The following CALCRL variants were observed in gnomAD, a reference collection of about 807,000 sequenced individuals.
The protein encoded by CALCRL is calcitonin gene-related peptide type 1 receptor.
Under a neutral mutation model 60.4 loss-of-function variants are expected in CALCRL, and 27 were observed. The ratio of observed to expected loss-of-function variants is 0.45; its 90% CI spans 0.33 to 0.62. The LOEUF (loss-of-function observed/expected upper bound fraction) is 0.62. CALCRL is among the 20% of genes least tolerant of loss of function. CALCRL has a pLI of 0.03. For missense variants in CALCRL, 424 were observed against 540.7 expected (o/e 0.78, Z 2.14); for synonymous variants, 190 against 182.6 (o/e 1.04, Z -0.33).
intron 12 of CALCRL, among the ~76,000 whole-genome samples, chr2:187,356,516 G>T (rs570200073): frequency 6.6e-6 from 1 of 152,120 alleles, no homozygotes; most frequent in Admixed American, 6.6e-5. Flanking sequence ...CAAGATGCAT[G>T]AAAGACTTAA....
intron 4 of CALCRL, among the ~76,000 whole-genome samples, chr2:187,384,440 G>A (rs920686720): frequency 1.3e-5 from 2 of 152,132 alleles, no homozygotes; most frequent in African/African-American, 2.4e-5. Context: ...GAGTTCAAGA[G>A]GAAGAGTCAC....
At chr2:187,380,039 T>C (rs1687921373) in intron 7 of CALCRL, among the ~76,000 whole-genome samples, 1 of 152,198 alleles carries the variant, frequency 6.6e-6, no homozygotes, top group South Asian at 2.1e-4. Context: ...GCGAATAACC[T>C]AAGACCCAGT....
At chr2:187,393,701 A>C in intron 1 of CALCRL, among the ~76,000 whole-genome samples, 1 of 151,978 alleles carries the variant, frequency 6.6e-6, no homozygotes, top group African/African-American at 2.4e-5. Flanking sequence ...AGTTGAAGAA[A>C]CCTGATGTTT....
chr2:187,414,810 A>G (rs778404602), intron 1 of CALCRL, among the ~76,000 whole-genome samples: 10 of 152,178 alleles, frequency 6.6e-5, no homozygotes, highest in South Asian at 2.1e-4. Context: ...ACATTGGCAC[A>G]CACATCATCC....
intron 14 of CALCRL, among the ~76,000 whole-genome samples, chr2:187,349,945 G>T (rs1444648730): frequency 1.3e-5 from 2 of 151,650 alleles, no homozygotes; most frequent in African/African-American, 4.8e-5. Context: ...GTGGGGCATG[G>T]TGCTAAAAAC....
At chr2:187,435,651 T>TTG (rs1429177327) in intron 1 of CALCRL, among the ~76,000 whole-genome samples, 2 of 152,206 alleles carry the variant, frequency 1.3e-5, no homozygotes, top group Non-Finnish European at 2.9e-5. Context: ...TGAATCTATG[T>TTG]ATCAAAATAT....
chr2:187,371,264 A>G (rs893220099), intron 8 of CALCRL, among the ~76,000 whole-genome samples: 1 of 151,702 alleles, frequency 6.6e-6, no homozygotes, highest in African/African-American at 2.4e-5. Context: ...AGTTAAATAA[A>G]TAATATCTAA....
At chr2:187,351,991 C>A (rs759778227) in intron 13 of CALCRL, 30 bp from the exon 14 acceptor site, 1 of 1,584,908 alleles carries the variant, frequency 6.3e-7, no homozygotes, top group Admixed American at 1.7e-5. Context: ...TGATCTGAAT[C>A]CAAATGGAAA....
At chr2:187,350,056 A>T (rs1315753688) in intron 14 of CALCRL, among the ~76,000 whole-genome samples, 2 of 151,774 alleles carry the variant, frequency 1.3e-5, no homozygotes, top group East Asian at 3.9e-4. Context: ...GAAATTTGCC[A>T]GCATTTGCCA....
chr2:187,398,250 T>G (rs1018632160), intron 1 of CALCRL, among the ~76,000 whole-genome samples: 1 of 151,798 alleles, frequency 6.6e-6, no homozygotes, highest in Admixed American at 6.6e-5. Flanking sequence ...AATGAGAGCC[T>G]TATACTTATT....
At chr2:187,360,547 C>T in intron 10 of CALCRL, 51 bp downstream of exon 10, 1 of 1,495,020 alleles carries the variant, frequency 6.7e-7, no homozygotes, top group Non-Finnish European at 9.0e-7. Flanking sequence ...TGGCATCCTC[C>T]AAAGGCTTCT....
chr2:187,380,373 A>C (rs1481829345), intron 7 of CALCRL, 94 bp downstream of exon 7: 1 of 692,494 alleles, frequency 1.4e-6, no homozygotes, highest in Non-Finnish European at 2.5e-6. Flanking sequence ...AAGGGAATGG[A>C]ATAATGACTT....
intron 1 of CALCRL, among the ~76,000 whole-genome samples, chr2:187,412,542 G>A (rs552449157): frequency 1.2e-4 from 18 of 152,160 alleles, no homozygotes; most frequent in South Asian, 4.2e-4. Flanking sequence ...GGTTTCACAC[G>A]GAAAATCTGT....
intron 1 of CALCRL, among the ~76,000 whole-genome samples, chr2:187,411,255 A>G (rs3771077): frequency 0.067 from 10,172 of 152,146 alleles, 400 homozygotes; most frequent in South Asian, 0.095. Flanking sequence ...ATAACTTAAC[A>G]TTATGTAATA....
chr2:187,409,109 A>T (rs1375821810), intron 1 of CALCRL, among the ~76,000 whole-genome samples: 2 of 152,188 alleles, frequency 1.3e-5, no homozygotes, highest in African/African-American at 4.8e-5. Context: ...AATCTTTTAC[A>T]TGTGAATGCA....
chr2:187,373,837 T>G (rs1441323919), intron 8 of CALCRL, among the ~76,000 whole-genome samples: 1 of 152,008 alleles, frequency 6.6e-6, no homozygotes, highest in Non-Finnish European at 1.5e-5. Context: ...AGTGACAAAG[T>G]GGAATTTGAG....
chr2:187,426,055 T>A (rs1511880), intron 1 of CALCRL, among the ~76,000 whole-genome samples: 14 of 151,712 alleles, frequency 9.2e-5, no homozygotes, highest in African/African-American at 1.7e-4. Flanking sequence ...CTATTAAAAT[T>A]TATTTTTATA....
chr2:187,396,384 G>A (rs868092850), intron 1 of CALCRL, among the ~76,000 whole-genome samples: 6 of 151,828 alleles, frequency 4.0e-5, no homozygotes, highest in Admixed American at 6.6e-5. Context: ...AATCTGGTAA[G>A]TTCATGTACC....
chr2:187,377,716 G>A (rs1031323672), intron 8 of CALCRL, among the ~76,000 whole-genome samples: 3 of 152,042 alleles, frequency 2.0e-5, no homozygotes, highest in Non-Finnish European at 4.4e-5. Flanking sequence ...GTTAATGGTC[G>A]AAAATAGAGA....
Sources: allele counts gnomAD v4.1 joint callset (sites outside exome capture counted in the v4.1 genomes callset), GRCh38; gene constraint gnomAD v4.1.1; transcripts MANE v1.5; gene names NCBI Gene and HGNC (gene_info 2026-07-23, HGNC 2026-07-21).